Variants in SPIDR observed in about 807,000 individuals in gnomAD.
SPIDR encodes the protein scaffold protein involved in DNA repair.
A neutral mutation model predicts 104.6 loss-of-function variants in SPIDR; 93 were observed. The observed-to-expected ratio is 0.89, with a 90% CI of 0.75 to 1.06. The LOEUF (loss-of-function observed/expected upper bound fraction) is 1.06. Among genes scored for constraint, SPIDR ranks in the 50% least tolerant of loss-of-function variants. The probability of loss-of-function intolerance (pLI) is 0.00; values close to 1 mark genes in which losing one functional copy is unlikely to be tolerated. For missense variants in SPIDR, 1,154 were observed against 1,111.2 expected (o/e 1.04, Z -0.55); for synonymous variants, 431 against 416.9 (o/e 1.03, Z -0.41).
intron 8 of SPIDR, among the ~76,000 whole-genome samples, chr8:47,494,337 T>C (rs2079139745): frequency 1.3e-5 from 2 of 151,640 alleles, no homozygotes; most frequent in East Asian, 1.9e-4. Context: ...TTGCCCAGGC[T>C]GGAGTACAGT....
At chr8:47,451,709 A>G (rs1457612761) in intron 8 of SPIDR, among the ~76,000 whole-genome samples, 1 of 152,194 alleles carries the variant, frequency 6.6e-6, no homozygotes, top group Non-Finnish European at 1.5e-5. Context: ...CAGAATGAAA[A>G]AAATGAACAG....
chr8:47,380,123 G>A (rs531592202), intron 5 of SPIDR, among the ~76,000 whole-genome samples: 69 of 152,306 alleles, frequency 4.5e-4, no homozygotes, highest in African/African-American at 1.5e-3. Flanking sequence ...ACATGCCATC[G>A]TGTTTGTTTC....
chr8:47,448,070 T>A (rs781847378), intron 8 of SPIDR, among the ~76,000 whole-genome samples: 5 of 152,242 alleles, frequency 3.3e-5, no homozygotes, highest in Admixed American at 1.3e-4. Context: ...CTCCAAGATA[T>A]GACTGTACTT....
At chr8:47,653,900 G>A (rs2072176722) in intron 10 of SPIDR, 1 of 908,466 alleles carries the variant, frequency 1.1e-6, no homozygotes, top group Admixed American at 6.2e-5. Flanking sequence ...GGAAAAAAAG[G>A]AAAAAGAATT....
In SPIDR at chr8:47,404,171, C is replaced by T. The variant is rs567782345; in HGVS notation, c.777-3690C>T. ...ATATGTAGAAAGCTGAAACTGGATC[C>T]CTTCCTTACACCTTATACAAAAATT... On this transcript the variant is annotated intron_variant, in intron 6 of 19. Transcript: ENST00000297423. Among the ~76,000 whole-genome samples, 4 of 152,292 alleles carry T rather than the reference C, an allele frequency of 2.6e-5. 1 individual carries two copies. The South Asian group carries it at 8.3e-4, about 32-fold the overall frequency.
chr8:47,677,287 G>A (rs750085853), intron 11 of SPIDR, among the ~76,000 whole-genome samples: 8 of 152,256 alleles, frequency 5.3e-5, no homozygotes, highest in Non-Finnish European at 1.2e-4. Flanking sequence ...TTCATTTTTT[G>A]TTGCTGTTTA....
chr8:47,424,736 T>C (rs2066141541), intron 7 of SPIDR, among the ~76,000 whole-genome samples: 1 of 152,210 alleles, frequency 6.6e-6, no homozygotes, highest in Non-Finnish European at 1.5e-5. Context: ...TTTTTCATGA[T>C]GAAATTTTTT....
At chr8:47,333,553 C>T (rs782722212) in intron 5 of SPIDR, among the ~76,000 whole-genome samples, 1 of 152,146 alleles carries the variant, frequency 6.6e-6, no homozygotes, top group South Asian at 2.1e-4. Context: ...ATCCCCACCT[C>T]AGCCTCCCAA....
chr8:47,299,632 C>A (rs1435170963), intron 5 of SPIDR, among the ~76,000 whole-genome samples: 5 of 152,080 alleles, frequency 3.3e-5, no homozygotes, highest in Non-Finnish European at 7.4e-5. Flanking sequence ...CCCATCAATA[C>A]CTAATTTATT....
intron 8 of SPIDR, among the ~76,000 whole-genome samples, chr8:47,564,325 G>C (rs962824698): frequency 6.6e-6 from 1 of 151,784 alleles, no homozygotes; most frequent in African/African-American, 2.4e-5. Flanking sequence ...GATCTGCCCG[G>C]CTCAGCCTCC....
intron 7 of SPIDR, among the ~76,000 whole-genome samples, chr8:47,438,809 CAT>C (rs1313643302): frequency 2.0e-5 from 3 of 151,876 alleles, no homozygotes; most frequent in African/African-American, 7.3e-5. Context: ...AGTATATGGA[CAT>C]GTGTCATGGA....
At position 47,427,498 on chromosome 8, in the gene SPIDR, G is replaced by A. The variant is rs182737863; in HGVS notation, c.878-12825G>A. On this transcript the variant is annotated intron_variant, in intron 7 of 19. Coordinates refer to ENST00000297423, the MANE Select transcript of SPIDR (RefSeq NM_001080394.4). ...CAATAACAAGACTGGTTTTTATAGT[G>A]CGGTAGTTTTCCAGAATGAGGAGTG... 9.2e-5 allele frequency among the ~76,000 whole-genome samples: 14 copies of A among 152,234 alleles called. No homozygotes were observed. In the East Asian group the frequency reaches 2.3e-3, roughly 25 times the overall value.
chr8:47,613,140 C>T (rs2063815958), intron 10 of SPIDR, among the ~76,000 whole-genome samples: 1 of 152,158 alleles, frequency 6.6e-6, no homozygotes, highest in African/African-American at 2.4e-5. Flanking sequence ...ACATATTAAG[C>T]AGTCCCTCCC....
At chr8:47,413,759 AC>A (rs2063845762) in intron 7 of SPIDR, among the ~76,000 whole-genome samples, 1 of 152,196 alleles carries the variant, frequency 6.6e-6, no homozygotes, top group Non-Finnish European at 1.5e-5. Flanking sequence ...AAGGCTTACT[AC>A]GTATTAAATC....
rs373643197 is a variant in SPIDR at position 47,389,412 on chromosome 8, G to A, written c.526-6964G>A. 7.2e-5 allele frequency among the ~76,000 whole-genome samples: 11 copies of A among 152,130 alleles called. No individual in the cohort carries two copies. The South Asian group carries it at 1.0e-3, about 14-fold the overall frequency. The stretch of plus-strand genomic sequence containing the variant: ...TGGTAAAGGATAAAAGTTTCCGGCC[G>A]GGCACGGTGGCTCACACCTGTAATC... On this transcript the variant is annotated intron_variant, in intron 5 of 19. Coordinates refer to ENST00000297423, the MANE Select transcript of SPIDR (RefSeq NM_001080394.4).
chr8:47,586,114 T>A (rs1426954568), intron 8 of SPIDR, among the ~76,000 whole-genome samples: 1 of 152,212 alleles, frequency 6.6e-6, no homozygotes, highest in Non-Finnish European at 1.5e-5. Context: ...GGATTTAACA[T>A]TTTGTTTAAC....
intron 5 of SPIDR, among the ~76,000 whole-genome samples, chr8:47,355,766 T>A (rs1244018500): frequency 6.6e-6 from 1 of 152,236 alleles, no homozygotes; most frequent in Non-Finnish European, 1.5e-5. Context: ...TTATTCATTG[T>A]TCTTCCAAGG....
At chr8:47,392,919 A>G (rs184693854) in intron 5 of SPIDR, among the ~76,000 whole-genome samples, 14 of 152,320 alleles carry the variant, frequency 9.2e-5, no homozygotes, top group Admixed American at 7.2e-4. Context: ...TCTTTTGTCA[A>G]ATGCAGAACA....
intron 7 of SPIDR, among the ~76,000 whole-genome samples, chr8:47,423,102 G>A (rs184511228): frequency 3.1e-4 from 47 of 152,066 alleles, no homozygotes; most frequent in Non-Finnish European, 5.3e-4. Flanking sequence ...TCAGGAGTTC[G>A]AGACCAGCCT....
Sources: gnomAD v4.1 joint callset for allele counts (sites outside exome capture counted in the v4.1 genomes callset) on GRCh38, gnomAD v4.1.1 for gene constraint, MANE v1.5 for transcripts, NCBI Gene and HGNC (gene_info 2026-07-23, HGNC 2026-07-21) for gene names.